The following TNN variants were observed in gnomAD, a reference collection of about 807,000 sequenced individuals.
TNN encodes tenascin N, also known as tenascin-N.
A neutral mutation model predicts 134.4 loss-of-function variants in TNN; 122 were observed. The ratio of observed to expected loss-of-function variants is 0.91; its 90% CI spans 0.78 to 1.06. The LOEUF (loss-of-function observed/expected upper bound fraction) is 1.06. Ranked by LOEUF, TNN falls within the 50% of genes least tolerant of loss-of-function variation. The pLI is 0.00. For missense variants in TNN, 1,739 were observed against 1,699.4 expected, an observed-to-expected ratio of 1.02 and a Z score of -0.41; for synonymous variants, 710 against 670.3, an observed-to-expected ratio of 1.06 and a Z score of -0.91.
Position 175,094,190 on chromosome 1 carries a change from G to T in TNN, c.1525G>T (p.Val509Phe), listed in dbSNP as rs769446847. The T allele has an allele frequency of 5.0e-6, 8 of 1,613,868 alleles. No individual in the cohort carries two copies. The highest frequency in any genetic ancestry group is 1.1e-5 in the South Asian group (1 of 91,058). ...CCTGAAGCCAGGAGAGGCATACAAG[G>T]TCTACGTGTGGGCTGAAAGGGGCAA... Reference protein sequence around the residue: ...TGLKPGEAYKVYVWAERGNQG... With the variant: ...TGLKPGEAYKFYVWAERGNQG... Residue 509 changes from valine to phenylalanine, a missense_variant, in exon 7 of 19, where the codon GTC (valine) becomes TTC (phenylalanine). Val to Phe is a conservative substitution (Grantham distance 50). Coordinates refer to ENST00000239462, the MANE Select transcript of TNN (RefSeq NM_022093.2).
intron 5 of TNN, among the ~76,000 whole-genome samples, chr1:175,084,775 T>G (rs1674286097): frequency 6.6e-6 from 1 of 152,212 alleles, no homozygotes; most frequent in Admixed American, 6.5e-5. Flanking sequence ...CACCACAGTC[T>G]GAATATTTGT....
chr1:175,122,027 G>A (rs929967305), intron 11 of TNN, among the ~76,000 whole-genome samples: 2 of 152,164 alleles, frequency 1.3e-5, no homozygotes, highest in Non-Finnish European at 2.9e-5. Flanking sequence ...GGAGCGATTA[G>A]CATCCAGTTG....
intron 11 of TNN, among the ~76,000 whole-genome samples, 157 bp from the exon 12 acceptor site, chr1:175,123,243 C>T (rs1246269402): frequency 2.0e-5 from 3 of 152,068 alleles, no homozygotes; most frequent in Non-Finnish European, 4.4e-5. Context: ...TGGTTTGTTT[C>T]CTTGGAAATG....
intron 11 of TNN, among the ~76,000 whole-genome samples, chr1:175,121,730 G>A (rs1219933313): frequency 6.6e-6 from 1 of 152,172 alleles, no homozygotes; most frequent in East Asian, 1.9e-4. Flanking sequence ...TAGATGTGGG[G>A]TAGGAAGAAA....
intron 5 of TNN, among the ~76,000 whole-genome samples, chr1:175,085,196 T>A (rs1674294299): frequency 6.6e-6 from 1 of 152,202 alleles, no homozygotes; most frequent in Non-Finnish European, 1.5e-5. Flanking sequence ...GATGCCCTAC[T>A]CCCATCCCCA....
At chr1:175,116,915 T>C (rs1675193485) in intron 9 of TNN, 24 bp from the exon 10 acceptor site, 8 of 1,614,124 alleles carry the variant, frequency 5.0e-6, no homozygotes, top group Non-Finnish European at 5.1e-6. Context: ...ATAGTGTTCA[T>C]TGATCAGCAA....
chr1:175,070,898 C>T (rs780566363), intron 1 of TNN, among the ~76,000 whole-genome samples: 10 of 152,146 alleles, frequency 6.6e-5, no homozygotes, highest in Non-Finnish European at 1.3e-4. Flanking sequence ...CTGAGTCACC[C>T]AGGGCCCAAG....
At chr1:175,095,565 TG>T (rs1383966198) in intron 7 of TNN, among the ~76,000 whole-genome samples, 3 of 152,162 alleles carry the variant, frequency 2.0e-5, no homozygotes, top group Non-Finnish European at 2.9e-5. Flanking sequence ...TCAGCATTTT[TG>T]TTTGTTTGTT....
chr1:175,108,901 C>A (rs1364236281), intron 9 of TNN, among the ~76,000 whole-genome samples: 1 of 151,608 alleles, frequency 6.6e-6, no homozygotes, highest in Non-Finnish European at 1.5e-5. Context: ...CAGAAAGGGG[C>A]TCCCACAGTG....
chr1:175,073,815 G>T (rs1272916041), intron 1 of TNN, among the ~76,000 whole-genome samples: 1 of 152,178 alleles, frequency 6.6e-6, no homozygotes, highest in Non-Finnish European at 1.5e-5. Context: ...CCTTTGTGGG[G>T]AGCTTCTGTG....
intron 7 of TNN, 85 bp from the exon 8 acceptor site, chr1:175,097,332 G>T (rs758314793): frequency 2.6e-6 from 4 of 1,533,206 alleles, no homozygotes; most frequent in Admixed American, 1.8e-5. Flanking sequence ...ATTTGTTGAG[G>T]TTATCACTTT....
chr1:175,104,196 A>G (rs186803501), intron 9 of TNN, among the ~76,000 whole-genome samples: 1 of 146,012 alleles, frequency 6.8e-6, no homozygotes, highest in Non-Finnish European at 1.5e-5. Flanking sequence ...GACCTTGAGG[A>G]CAGTTGTCTA....
intron 9 of TNN, among the ~76,000 whole-genome samples, chr1:175,101,702 G>C (rs931458773): frequency 3.4e-5 from 5 of 148,396 alleles, no homozygotes; most frequent in African/African-American, 1.2e-4. Context: ...CACCAGAGCA[G>C]CTAGATACAG....
At chr1:175,072,974 A>T (rs1391304312) in intron 1 of TNN, among the ~76,000 whole-genome samples, 1 of 117,232 alleles carries the variant, frequency 8.5e-6, no homozygotes, top group Non-Finnish European at 1.6e-5. Context: ...ACTTCTTCAG[A>T]AAACCATCTG....
intron 17 of TNN, among the ~76,000 whole-genome samples, chr1:175,139,293 A>G (rs561076023): frequency 6.6e-6 from 1 of 152,308 alleles, no homozygotes; most frequent in Admixed American, 6.5e-5. Context: ...TTCGCTTAAA[A>G]CATAAGCACA....
At chr1:175,125,764 T>C (rs907835611) in intron 12 of TNN, among the ~76,000 whole-genome samples, 1 of 146,376 alleles carries the variant, frequency 6.8e-6, no homozygotes, top group Non-Finnish European at 1.5e-5. Flanking sequence ...TTTCTCTCTC[T>C]CTCCCTCCCT....
At chr1:175,136,076 G>A in intron 16 of TNN, 135 bp downstream of exon 16, 2 of 656,302 alleles carry the variant, frequency 3.0e-6, no homozygotes, top group Non-Finnish European at 5.5e-6. Context: ...ACTGTGCCGA[G>A]CAGGGTGTTG....
intron 9 of TNN, among the ~76,000 whole-genome samples, chr1:175,112,334 T>G (rs1260093633): frequency 1.3e-5 from 2 of 152,154 alleles, no homozygotes; most frequent in African/African-American, 4.8e-5. Flanking sequence ...CTGTGATAAA[T>G]CTCACTTGTA....
At position 175,123,592 on chromosome 1, in the gene TNN, A is replaced by T; in HGVS notation, c.2843A>T (p.Glu948Val). 1 of 1,614,178 alleles carries T rather than the reference A, an allele frequency of 6.2e-7. No homozygotes were observed. The highest frequency in any genetic ancestry group is 8.5e-7 in the Non-Finnish European group (1 of 1,180,038). ...TVLTGLRPGM[E>V]YMVHVWAQKG... ...CTGACGGGCCTGAGACCAGGCATGG[A>T]GTACATGGTGCACGTGTGGGCCCAG... Residue 948 changes from glutamate to valine, a missense_variant, in exon 12 of 19, where the codon GAG (glutamate) becomes GTG (valine). By Grantham distance (121) the Glu-to-Val change is moderately radical. Coordinates refer to ENST00000239462, the MANE Select transcript of TNN (RefSeq NM_022093.2).
Sources: allele counts gnomAD v4.1 joint callset (sites outside exome capture counted in the v4.1 genomes callset), GRCh38; gene constraint gnomAD v4.1.1; transcripts MANE v1.5; gene names NCBI Gene and HGNC (gene_info 2026-07-23, HGNC 2026-07-21).